The following CDH19 variants were observed in gnomAD, a reference collection of about 807,000 sequenced individuals.
CDH19 encodes the protein cadherin 19, also known as cadherin-19.
Under a neutral mutation model 64.2 loss-of-function variants are expected in CDH19, and 67 were observed. The ratio of observed to expected loss-of-function variants is 1.04; its 90% CI spans 0.86 to 1.28. The LOEUF is 1.28. Ranked by LOEUF, CDH19 falls within the 50% of genes most tolerant of loss-of-function variation. CDH19 has a pLI of 0.00. For synonymous variants in CDH19, 346 were observed against 319.3 expected (o/e 1.08, Z -0.89); for missense variants, 1,030 against 929.0 (o/e 1.11, Z -1.41).
At chr18:66,543,074 G>A (rs1367988329) in intron 7 of CDH19, among the ~76,000 whole-genome samples, 6 of 152,102 alleles carry the variant, frequency 3.9e-5, no homozygotes, top group East Asian at 3.9e-4. Context: ...CACCCAGGCC[G>A]GAGTGCAGTG....
At chr18:66,547,489 T>A (rs1323083153) in intron 5 of CDH19, among the ~76,000 whole-genome samples, 5 of 151,950 alleles carry the variant, frequency 3.3e-5, no homozygotes, top group Non-Finnish European at 4.4e-5. Flanking sequence ...CTGAGTGGGA[T>A]CACTAATTCT....
At chr18:66,529,252 AC>A (rs1169446038) in intron 9 of CDH19, among the ~76,000 whole-genome samples, 1 of 151,778 alleles carries the variant, frequency 6.6e-6, no homozygotes, top group African/African-American at 2.4e-5. Context: ...ATTAAACGCT[AC>A]GAAAAAACAT....
rs1398032889 is a variant in CDH19 at position 66,544,889 on chromosome 18, T to C, written c.790A>G (p.Thr264Ala). 1 of 1,607,290 alleles carries C rather than the reference T, an allele frequency of 6.2e-7. No individual in the cohort carries two copies. The highest frequency in any genetic ancestry group is 8.5e-7 in the Non-Finnish European group (1 of 1,177,452). ...CCAGTGGGTGCAGATTCAGAGACAG[T>C]CAAGCGGTATAAACCTTTAAAAACA... ...PIFKESLYRL[T>A]VSESAPTGTS... Residue 264 changes from threonine (T) to alanine (A), a missense_variant, in exon 6 of 12, where the codon ACT becomes GCT. Physicochemically the swap from Thr to Ala is moderately conservative, Grantham distance 58 (BLOSUM62 0). Coordinates refer to ENST00000262150, the MANE Select transcript of CDH19 (RefSeq NM_021153.4).
rs192012280 is a variant in CDH19 at position 66,532,654 on chromosome 18, A to G, written c.1336+2332T>C. 1,243 of 437,418 alleles carry G rather than the reference A, an allele frequency of 2.8e-3. 8 individuals carry two copies. Among genetic ancestry groups the G allele is most frequent in the Admixed American group, 4.5e-3 (177 of 39,702 alleles). The allele number at this position is 437,418 out of a possible 1,614,324, so 27.1% of individuals were successfully genotyped here. On this transcript the variant is annotated intron_variant, in intron 8 of 11. Transcript: ENST00000262150. ...TTTAGGATCCAGGATTGTATTTATC[A>G]AGTAATGGTGACCATCTCTTTGAAA... is the stretch of plus-strand genomic sequence containing the variant.
At chr18:66,592,182 T>C (rs1024544641) in intron 1 of CDH19, among the ~76,000 whole-genome samples, 2 of 151,878 alleles carry the variant, frequency 1.3e-5, no homozygotes, top group African/African-American at 4.8e-5. Flanking sequence ...AGTAAATTCA[T>C]TTACCTCCTA....
intron 9 of CDH19, among the ~76,000 whole-genome samples, chr18:66,517,724 A>G (rs574423583): frequency 2.0e-5 from 3 of 152,188 alleles, no homozygotes; most frequent in East Asian, 1.9e-4. Context: ...CATGTGGGAA[A>G]TGAGAAAAGA....
At chr18:66,599,193 G>C (rs1988979985) in intron 1 of CDH19, among the ~76,000 whole-genome samples, 1 of 152,076 alleles carries the variant, frequency 6.6e-6, no homozygotes, top group Admixed American at 6.6e-5. Context: ...CGTGGTGCCA[G>C]ATGGACTAGG....
intron 5 of CDH19, among the ~76,000 whole-genome samples, chr18:66,547,187 G>A (rs1987147940): frequency 6.6e-6 from 1 of 152,134 alleles, no homozygotes; most frequent in Non-Finnish European, 1.5e-5. Flanking sequence ...TGGAGTTGGT[G>A]AGAAGTGTTC....
intron 3 of CDH19, among the ~76,000 whole-genome samples, chr18:66,567,586 T>C (rs1294217355): frequency 1.3e-5 from 2 of 151,888 alleles, no homozygotes; most frequent in African/African-American, 4.8e-5. Context: ...CAGAAAATTA[T>C]ATGATGAAAT....
intron 5 of CDH19, among the ~76,000 whole-genome samples, chr18:66,547,272 A>G (rs1987150904): frequency 6.6e-6 from 1 of 152,112 alleles, no homozygotes; most frequent in Admixed American, 6.6e-5. Context: ...GAAAAAGAAA[A>G]GTAGAAAAAG....
At chr18:66,594,577 A>G (rs12965671) in intron 1 of CDH19, among the ~76,000 whole-genome samples, 51,041 of 151,800 alleles carry the variant, frequency 0.34, 9,997 homozygotes, top group Non-Finnish European at 0.45. Flanking sequence ...CTTGGAACAC[A>G]GTGCAATAAC....
chr18:66,519,335 CTTAT>C (rs1985881239), intron 9 of CDH19, among the ~76,000 whole-genome samples: 1 of 152,040 alleles, frequency 6.6e-6, no homozygotes, highest in Non-Finnish European at 1.5e-5. Context: ...TACCTTCTTT[CTTAT>C]TTGTTTTTTA....
At chr18:66,558,386 A>G (rs1361057844) in intron 3 of CDH19, among the ~76,000 whole-genome samples, 1 of 151,410 alleles carries the variant, frequency 6.6e-6, no homozygotes, top group Non-Finnish European at 1.5e-5. Flanking sequence ...TCTTTCAGTT[A>G]TTATTGACAC....
At chr18:66,589,019 AT>A (rs924823182) in intron 1 of CDH19, among the ~76,000 whole-genome samples, 1 of 151,906 alleles carries the variant, frequency 6.6e-6, no homozygotes, top group Non-Finnish European at 1.5e-5. Context: ...AGGTTGATGA[AT>A]AAGGTAGACT....
intron 5 of CDH19, among the ~76,000 whole-genome samples, chr18:66,546,774 A>T (rs1330263667): frequency 6.6e-6 from 1 of 152,158 alleles, no homozygotes; most frequent in Non-Finnish European, 1.5e-5. Flanking sequence ...AAGAAAGAAA[A>T]TGAGTATCTG....
rs1444252743 is a variant in CDH19 at position 66,503,415 on chromosome 18, G to A, written c.*1397C>T. On this transcript the variant is annotated 3_prime_UTR_variant, in exon 12 of 12. Transcript: ENST00000262150. ...AACAGAAAAGCAAATACTGAGAATT[G>A]TATCATGTTTTATCCCATGAATGGT... 1 of 151,754 alleles carries A rather than the reference G, an allele frequency of 6.6e-6. No homozygotes were observed. Among genetic ancestry groups the A allele is most frequent in the East Asian group, 1.9e-4 (1 of 5,164 alleles). The allele number at this position is 151,754 out of a possible 1,614,324, so 9.4% of individuals were successfully genotyped here.
intron 7 of CDH19, among the ~76,000 whole-genome samples, chr18:66,543,600 G>A (rs913413961): frequency 2.6e-5 from 4 of 152,012 alleles, no homozygotes; most frequent in East Asian, 2.0e-4. Flanking sequence ...AAATTTGCAC[G>A]CAGGCTAGGG....
intron 1 of CDH19, among the ~76,000 whole-genome samples, chr18:66,573,406 C>T (rs1988167206): frequency 6.6e-6 from 1 of 151,514 alleles, no homozygotes; most frequent in Non-Finnish European, 1.5e-5. Flanking sequence ...AGAAAGTACA[C>T]AGGGATTCTG....
chr18:66,543,868 G>T, intron 7 of CDH19, 103 bp downstream of exon 7: 1 of 837,842 alleles, frequency 1.2e-6, no homozygotes, highest in Non-Finnish European at 1.8e-6. Flanking sequence ...AGAAGACAGA[G>T]TGAGACTCCC....
Sources: gnomAD v4.1 joint callset for allele counts (sites outside exome capture counted in the v4.1 genomes callset) on GRCh38, gnomAD v4.1.1 for gene constraint, MANE v1.5 for transcripts, NCBI Gene and HGNC (gene_info 2026-07-23, HGNC 2026-07-21) for gene names.